Variants in AP4M1 observed in about 807,000 individuals in gnomAD.
AP4M1 encodes AP-4 complex subunit mu-1.
A neutral mutation model predicts 62.4 loss-of-function variants in AP4M1; 58 were observed. The observed-to-expected ratio is 0.93, with a 90% confidence interval of 0.75 to 1.16. The LOEUF is 1.16. AP4M1 is among the 50% of genes most tolerant of loss of function. The pLI is 0.00. For synonymous variants in AP4M1, 290 were observed against 239.7 expected (o/e 1.21, Z -1.94); for missense variants, 626 against 585.4 (o/e 1.07, Z -0.72).
upstream of AP4M1, chr7:100,101,158 C>T (rs1796000335): frequency 1.1e-5 from 16 of 1,457,258 alleles, no homozygotes; most frequent in South Asian, 1.7e-4. Flanking sequence ...CCTCGCGCAC[C>T]CCAGAACCCG....
intron 12 of AP4M1, 106 bp downstream of exon 12, chr7:100,106,109 AG>A: frequency 6.4e-7 from 1 of 1,550,882 alleles, no homozygotes; most frequent in Non-Finnish European, 8.9e-7. Flanking sequence ...CTCAGAAGCC[AG>A]TTAAGGTAGA....
In AP4M1 at chr7:100,104,984, G is replaced by A. The variant is rs377555463; in HGVS notation, c.673+44G>A. 1.9e-6 allele frequency: 3 copies of A among 1,613,846 alleles called. No individual in the cohort carries two copies. In the African/African-American group the frequency reaches 4.0e-5, roughly 22 times the overall value. ...GGACCAAGGGTTGGGGTTAGGGCGG[G>A]TTCCTTGGTGTCTTAAACCATGGCA... On this transcript the variant is annotated intron_variant, in intron 8 of 14. Transcript: ENST00000359593.
At position 100,108,204 on chromosome 7, in the gene AP4M1, G is replaced by T; in HGVS notation, c.*1322G>T. ...GAAGGGAGAGGCCTGGGCTCCCCTCGCTCTTCCTCAGTGGCTCTCACTAGG... is the reference window on the plus strand; with the variant it reads ...GAAGGGAGAGGCCTGGGCTCCCCTCTCTCTTCCTCAGTGGCTCTCACTAGG... On this transcript the variant is annotated 3_prime_UTR_variant, in exon 15 of 15. Transcript: ENST00000359593. 6.8e-7 allele frequency: 1 copy of T among 1,474,236 alleles called. No individual in the cohort carries two copies. Among genetic ancestry groups the T allele is most frequent in the South Asian group, 1.3e-5 (1 of 76,912 alleles). The allele number at this position is 1,474,236 out of a possible 1,614,324, so 91.3% of individuals were successfully genotyped here. A position where few individuals can be genotyped will look rare whatever the true frequency, so the allele number is the denominator to read the frequency against.
Position 100,106,265 on chromosome 7 carries a change from C to A in AP4M1, c.999C>A (p.His333Gln), listed in dbSNP as rs771395601. The A allele has an allele frequency of 1.9e-6, 3 of 1,613,958 alleles. No homozygotes were observed. In the East Asian group the frequency reaches 6.7e-5, roughly 36 times the overall value. Residue 333 changes from histidine (H) to glutamine (Q), a missense_variant, in exon 13 of 15, where the codon CAC (histidine) becomes CAA (glutamine). Coordinates refer to ENST00000359593, the MANE Select transcript of AP4M1 (RefSeq NM_004722.4). ...GCCAAGCCCTCAATGTCAGGCTGCA[C>A]CTCCCCCTGCCTCGAGGGGTGGTCA... ...SKSQALNVRL[H>Q]LPLPRGVVSL...
At chr7:100,106,175 T>G in intron 12 of AP4M1, 66 bp from the exon 13 acceptor site, 1 of 1,587,564 alleles carries the variant, frequency 6.3e-7, no homozygotes, top group Non-Finnish European at 8.6e-7. Context: ...TGTTATGACA[T>G]TGAAGAGGAA....
chr7:100,101,406 A>T, upstream of AP4M1: 1 of 1,459,440 alleles, frequency 6.9e-7, no homozygotes, highest in Non-Finnish European at 9.5e-7. Flanking sequence ...TTGGCGCGAA[A>T]CGTCGCCCCC....
chr7:100,104,982 G>A (rs756416380), intron 8 of AP4M1, 42 bp downstream of exon 8: 16 of 1,613,878 alleles, frequency 9.9e-6, no homozygotes, highest in South Asian at 3.3e-5. Context: ...GGGTTAGGGC[G>A]GGTTCCTTGG....
In AP4M1 at chr7:100,101,699, A is replaced by C; in HGVS notation, c.-16A>C. On this transcript the variant is annotated 5_prime_UTR_variant, in exon 1 of 15. Coordinates refer to ENST00000359593, the MANE Select transcript of AP4M1 (RefSeq NM_004722.4). ...CCCGACTTTCGCCGTCTTCTTGTCT[A>C]CTCTCCAGAACGGCCATGATTTCCC... The C allele has an allele frequency of 6.2e-7, 1 of 1,611,452 alleles. No individual in the cohort carries two copies. Among genetic ancestry groups the C allele is most frequent in the Non-Finnish European group, 8.5e-7 (1 of 1,178,398 alleles).
In AP4M1 at chr7:100,106,864, CTA is replaced by C; in HGVS notation, c.1346_1347del (p.Tyr449CysfsTer78). ...WVRHLSHSDA[Y>X]VIRI ...TGCGACACCTAAGCCACAGCGACGC[CTA>C]TGTCATTCGGATCTGAGGCTCCCCA... On this transcript the variant is annotated frameshift_variant, in exon 15 of 15. Transcript: ENST00000359593. LOFTEE classifies it high-confidence loss of function. 3 of 1,613,410 alleles carry C rather than the reference CTA, an allele frequency of 1.9e-6. No individual in the cohort carries two copies. Among genetic ancestry groups the C allele is most frequent in the Non-Finnish European group, 2.5e-6 (3 of 1,180,038 alleles).
Position 100,106,520 on chromosome 7 carries a change from C to T in AP4M1, c.1137+6C>T, listed in dbSNP as rs200357028. 17 of 1,611,686 alleles carry T rather than the reference C, an allele frequency of 1.1e-5. No homozygotes were observed. The East Asian group carries it at 1.1e-4, about 11-fold the overall frequency. On this transcript the variant is annotated splice_donor_region_variant and intron_variant, in intron 14 of 14. Transcript: ENST00000359593. ...AACTCTCAGGCCTTTTCCAGGTATT[C>T]GCTGTGGACCCCCAGCCCCTCTCCT...
At chr7:100,102,046 T>C in intron 2 of AP4M1, 78 bp downstream of exon 2, 1 of 1,501,824 alleles carries the variant, frequency 6.7e-7, no homozygotes, top group Non-Finnish European at 9.2e-7. Context: ...CAGGACTGGT[T>C]CATTGGTAGA....
Position 100,104,612 on chromosome 7 carries a change from C to T in AP4M1, c.607-262C>T, listed in dbSNP as rs549526891. Among the ~76,000 whole-genome samples the T allele has an allele frequency of 2.6e-5, 4 of 152,302 alleles. No individual in the cohort carries two copies. The East Asian group carries it at 7.7e-4, about 29-fold the overall frequency. On this transcript the variant is annotated intron_variant, in intron 7 of 14. Transcript: ENST00000359593. Reference sequence around the variant, plus strand: ...TTGAGAGGCCGAGGTGGGTGGATCACTTAAGGTCAGGAGTTTGAGACCAGC... The same window carrying T: ...TTGAGAGGCCGAGGTGGGTGGATCATTTAAGGTCAGGAGTTTGAGACCAGC...
chr7:100,105,040 G>A lies in AP4M1; in HGVS notation c.674-5G>A, dbSNP rs576875998. ...GAGCTCTCCTGATGGTCTCTCCTCCGACAGAGATGCGCATTGGCTTGACGG... is the reference window on the plus strand; with the variant it reads ...GAGCTCTCCTGATGGTCTCTCCTCCAACAGAGATGCGCATTGGCTTGACGG... On this transcript the variant is annotated splice_polypyrimidine_tract_variant and splice_region_variant and intron_variant, in intron 8 of 14. Transcript: ENST00000359593. 8.0e-5 allele frequency: 129 copies of A among 1,614,124 alleles called. No individual in the cohort carries two copies. In the South Asian group the frequency reaches 1.1e-3, roughly 13 times the overall value.
rs780256851 is a variant in AP4M1 at position 100,101,705 on chromosome 7, C to T, written c.-10C>T. 2.7e-5 allele frequency: 44 copies of T among 1,612,932 alleles called. No homozygotes were observed. The highest frequency in any genetic ancestry group is 3.6e-5 in the Non-Finnish European group (42 of 1,179,184). ...TTTCGCCGTCTTCTTGTCTACTCTC[C>T]AGAACGGCCATGATTTCCCAATTCT... On this transcript the variant is annotated 5_prime_UTR_variant, in exon 1 of 15. Coordinates refer to ENST00000359593, the MANE Select transcript of AP4M1 (RefSeq NM_004722.4).
intron 2 of AP4M1, chr7:100,102,186 G>A: frequency 1.6e-6 from 1 of 639,450 alleles, no homozygotes; most frequent in Non-Finnish European, 2.8e-6. Context: ...TTCGAAATCA[G>A]CCTGGCCAAC....
At position 100,107,466 on chromosome 7, in the gene AP4M1, T is replaced by C; in HGVS notation, c.*584T>C. The stretch of plus-strand genomic sequence containing the variant: ...TGGGGGAAGTGAGACCACGATGTAC[T>C]TCTGGACACTCCCAGGACCAGAGGG... On this transcript the variant is annotated 3_prime_UTR_variant, in exon 15 of 15. Coordinates refer to ENST00000359593, the MANE Select transcript of AP4M1 (RefSeq NM_004722.4). 2 of 1,613,788 alleles carry C rather than the reference T, an allele frequency of 1.2e-6. No individual in the cohort carries two copies. Among genetic ancestry groups the C allele is most frequent in the Non-Finnish European group, 1.7e-6 (2 of 1,179,812 alleles).
In AP4M1 at chr7:100,108,315, CA is replaced by C. The variant is rs1796779323; in HGVS notation, c.*1434del. ...GCTGTGTGCAAGTGCCTGTCCCACA[CA>C]GGGGTTCTCCTCTGCTTCCTCCTAT... On this transcript the variant is annotated 3_prime_UTR_variant, in exon 15 of 15. Coordinates refer to ENST00000359593, the MANE Select transcript of AP4M1 (RefSeq NM_004722.4). 1 of 1,549,378 alleles carries C rather than the reference CA, an allele frequency of 6.5e-7. No individual in the cohort carries two copies. The highest frequency in any genetic ancestry group is 1.4e-5 in the African/African-American group (1 of 73,416).
chr7:100,103,003 C>CCTGAAGAT, intron 4 of AP4M1, 43 bp downstream of exon 4: 1 of 1,531,660 alleles, frequency 6.5e-7, no homozygotes, highest in Non-Finnish European at 9.0e-7. Flanking sequence ...ACCCAATTCC[C>CCTGAAGAT]CTGAAGATAC....
chr7:100,101,524 G>A (rs1051883213), upstream of AP4M1: 20 of 782,410 alleles, frequency 2.6e-5, no homozygotes, highest in Non-Finnish European at 3.8e-5. Flanking sequence ...GTGACGGGGA[G>A]GCGGTGCGGG....
Sources: allele counts gnomAD v4.1 joint callset (sites outside exome capture counted in the v4.1 genomes callset), GRCh38; gene constraint gnomAD v4.1.1; transcripts MANE v1.5; gene names NCBI Gene and HGNC (gene_info 2026-07-23, HGNC 2026-07-21).